Variants in ZNF215 observed in about 807,000 individuals in gnomAD.
ZNF215 encodes the protein BWSCR2-associated zinc finger protein 2.
ZNF215 carries 24 observed loss-of-function variants against 27.2 expected under a neutral mutation model. The ratio of observed to expected loss-of-function variants is 0.88; its 90% CI spans 0.64 to 1.24. The LOEUF is 1.24. ZNF215 is among the 50% of genes most tolerant of loss of function. ZNF215 has a pLI of 0.00. For synonymous variants in ZNF215, 210 were observed against 204.0 expected (o/e 1.03, Z -0.25); for missense variants, 675 against 605.7 (o/e 1.11, Z -1.20).
At chr11:6,967,725 C>G (rs1411910445) in intron 5 of ZNF215, among the ~76,000 whole-genome samples, 5 of 152,100 alleles carry the variant, frequency 3.3e-5, no homozygotes, top group African/African-American at 1.2e-4. Context: ...AATTTTCTTC[C>G]ATTCTGTAGG....
chr11:6,981,603 CTTTAG>C (rs1178623522), intron 5 of ZNF215, among the ~76,000 whole-genome samples: 1 of 151,872 alleles, frequency 6.6e-6, no homozygotes, highest in African/African-American at 2.4e-5. Context: ...TGCAGAAGCT[CTTTAG>C]TTTAATTAGA....
chr11:6,990,393 A>T (rs1851103629), downstream of ZNF215, among the ~76,000 whole-genome samples: 1 of 152,200 alleles, frequency 6.6e-6, no homozygotes, highest in East Asian at 1.9e-4. Flanking sequence ...TGTATGGAAT[A>T]TGCTACTATT....
In ZNF215 at chr11:6,957,931, A is replaced by G. The variant is rs1850430048; in HGVS notation, c.*1400A>G. The G allele has an allele frequency of 2.0e-6, 2 of 985,426 alleles. No individual in the cohort carries two copies. Among genetic ancestry groups the G allele is most frequent in the Non-Finnish European group, 2.4e-6 (2 of 829,934 alleles). The allele number at this position is 985,426 out of a possible 1,614,324, so 61.0% of individuals were successfully genotyped here. ...ACTTAATCTGCCCCAAAAAATTCACACTGGAGACATTCCCAATTAATGATG... is the reference window on the plus strand; with the variant it reads ...ACTTAATCTGCCCCAAAAAATTCACGCTGGAGACATTCCCAATTAATGATG... On this transcript the variant is annotated 3_prime_UTR_variant, in exon 7 of 7. Transcript: ENST00000278319.
chr11:6,959,559 A>C (rs1850472293), downstream of ZNF215, among the ~76,000 whole-genome samples: 1 of 152,188 alleles, frequency 6.6e-6, no homozygotes, highest in African/African-American at 2.4e-5. Flanking sequence ...AAAAACTGTT[A>C]GATTTAATAA....
chr11:6,928,035 CT>C (rs892404093), intron 2 of ZNF215, among the ~76,000 whole-genome samples: 28 of 151,120 alleles, frequency 1.9e-4, no homozygotes, highest in Non-Finnish European at 1.3e-4. Flanking sequence ...TCTCTTTTAT[CT>C]TTTTTTTTAG....
chr11:6,975,121 A>G (rs554173978), intron 5 of ZNF215, among the ~76,000 whole-genome samples: 2 of 152,074 alleles, frequency 1.3e-5, no homozygotes, highest in South Asian at 4.2e-4. Flanking sequence ...GAATTTTGTC[A>G]AAGGCCTTTT....
Position 6,953,991 on chromosome 11 carries a change from A to G in ZNF215, c.713-1699A>G, listed in dbSNP as rs542818824. Among the ~76,000 whole-genome samples the G allele has an allele frequency of 3.1e-3, 477 of 152,278 alleles. 2 individuals are homozygous for G. The highest frequency in any genetic ancestry group is 0.011 in the African/African-American group (462 of 41,556). ...AGCTGCAGGTCTGTTGGAGTTTGCT[A>G]GAGGTCCACTCCAGACCCTGTTTGC... On this transcript the variant is annotated intron_variant, in intron 6 of 6. Coordinates refer to ENST00000278319, the MANE Select transcript of ZNF215 (RefSeq NM_013250.4).
intron 5 of ZNF215, among the ~76,000 whole-genome samples, chr11:6,979,526 A>T (rs954189566): frequency 6.6e-6 from 1 of 152,024 alleles, no homozygotes; most frequent in African/African-American, 2.4e-5. Flanking sequence ...ACTGTGAATA[A>T]GCCAAATAGT....
chr11:6,960,059 G>T (rs1382887011), downstream of ZNF215, among the ~76,000 whole-genome samples: 1 of 151,964 alleles, frequency 6.6e-6, no homozygotes, highest in Non-Finnish European at 1.5e-5. Flanking sequence ...AAAGTTAAAT[G>T]CCAATCTCAA....
chr11:6,976,895 C>T (rs1254598481), intron 5 of ZNF215, among the ~76,000 whole-genome samples: 1 of 152,078 alleles, frequency 6.6e-6, no homozygotes, highest in African/African-American at 2.4e-5. Context: ...TATCAGACGT[C>T]TGAAATCAGT....
intron 5 of ZNF215, among the ~76,000 whole-genome samples, chr11:6,980,099 G>A (rs1239473846): frequency 6.6e-6 from 1 of 152,074 alleles, no homozygotes; most frequent in Non-Finnish European, 1.5e-5. Flanking sequence ...TTTGGAAGAA[G>A]CATTAAGTTC....
At chr11:6,961,706 T>C (rs1198921651), downstream of ZNF215, among the ~76,000 whole-genome samples, 1 of 152,138 alleles carries the variant, frequency 6.6e-6, no homozygotes, top group Non-Finnish European at 1.5e-5. Context: ...TATTCACAGC[T>C]TTTAGTTGCT....
downstream of ZNF215, among the ~76,000 whole-genome samples, chr11:6,985,121 CTG>C (rs1271358046): frequency 6.6e-6 from 1 of 152,028 alleles, no homozygotes; most frequent in East Asian, 1.9e-4. Flanking sequence ...ACCAATGTCC[CTG>C]ATGAACATAG....
Position 6,955,863 on chromosome 11 carries a change from A to G in ZNF215, c.886A>G (p.Thr296Ala). The G allele has an allele frequency of 6.2e-7, 1 of 1,610,864 alleles. No homozygotes were observed. The highest frequency in any genetic ancestry group is 8.5e-7 in the Non-Finnish European group (1 of 1,179,268). Residue 296 changes from threonine to alanine, a missense_variant, in exon 7 of 7, where the codon ACT (threonine) becomes GCT (alanine). By Grantham distance (58) the Thr-to-Ala change is moderately conservative (BLOSUM62 0). Transcript: ENST00000278319. Reference sequence around the variant, plus strand: ...GGCTTTCATTCCTGAGACAATTTACACTGAGGAGGAAGATTTTGAATGTAG... The same window carrying G: ...GGCTTTCATTCCTGAGACAATTTACGCTGAGGAGGAAGATTTTGAATGTAG... The part of the protein sequence containing the change: ...QEAFIPETIY[T>A]EEEDFECSEN...
Position 6,957,805 on chromosome 11 carries a change from A to C in ZNF215, c.*1274A>C. On this transcript the variant is annotated 3_prime_UTR_variant, in exon 7 of 7. Transcript: ENST00000278319. The stretch of plus-strand genomic sequence containing the variant: ...GCCTTAGGTATATCATTTATACCAG[A>C]CATTATGAAGTTATTAAAGTCTCCT... 3.0e-6 allele frequency: 3 copies of C among 985,428 alleles called. No homozygotes were observed. Among genetic ancestry groups the C allele is most frequent in the Non-Finnish European group, 3.6e-6 (3 of 829,926 alleles). 61.0% of individuals were successfully genotyped at this position (985,428 alleles called of 1,614,324 possible).
intron 5 of ZNF215, among the ~76,000 whole-genome samples, chr11:6,976,917 A>G (rs912761613): frequency 2.0e-4 from 31 of 152,092 alleles, no homozygotes; most frequent in Non-Finnish European, 4.0e-4. Flanking sequence ...TCAATGAGCA[A>G]AAAGTCAAGA....
chr11:6,978,285 G>A (rs1259710895), intron 5 of ZNF215, among the ~76,000 whole-genome samples: 1 of 152,024 alleles, frequency 6.6e-6, no homozygotes, highest in Non-Finnish European at 1.5e-5. Context: ...AAAATACACT[G>A]ATTGAATGAA....
At chr11:6,993,697 T>G (rs908203845), downstream of ZNF215, among the ~76,000 whole-genome samples, 1 of 152,236 alleles carries the variant, frequency 6.6e-6, no homozygotes, top group Non-Finnish European at 1.5e-5. Flanking sequence ...TCTTATGCCT[T>G]TATGTTTGAT....
At chr11:6,943,384 T>C (rs963382072) in intron 5 of ZNF215, among the ~76,000 whole-genome samples, 162 bp from the exon 6 acceptor site, 9 of 152,218 alleles carry the variant, frequency 5.9e-5, no homozygotes, top group Non-Finnish European at 1.2e-4. Context: ...GAAAGTCCTT[T>C]CTGATATTGA....
Sources: allele counts gnomAD v4.1 joint callset (sites outside exome capture counted in the v4.1 genomes callset), GRCh38; gene constraint gnomAD v4.1.1; transcripts MANE v1.5; gene names NCBI Gene and HGNC (gene_info 2026-07-23, HGNC 2026-07-21).